TNNI3K: variants seen among roughly 807,000 people sequenced by gnomAD.
TNNI3K encodes the protein serine/threonine-protein kinase TNNI3K.
TNNI3K carries 140 observed loss-of-function variants against 114.5 expected under a neutral mutation model. That is an observed-to-expected ratio of 1.22 (90% CI 1.07 to 1.41). The LOEUF (loss-of-function observed/expected upper bound fraction) is 1.41, where lower values mean the gene tolerates loss of function less well. Among genes scored for constraint, TNNI3K ranks in the 40% most tolerant of loss-of-function variants. The pLI is 0.00. For missense variants in TNNI3K, 1,125 were observed against 1,007.6 expected, an observed-to-expected ratio of 1.12 and a Z score of -1.58; for synonymous variants, 347 against 347.5, an observed-to-expected ratio of 1.00 and a Z score of 0.02.
intron 17 of TNNI3K, among the ~76,000 whole-genome samples, chr1:74,377,559 C>A (rs1234908638): frequency 6.6e-6 from 1 of 151,914 alleles, no homozygotes; most frequent in Non-Finnish European, 1.5e-5. Context: ...CCATATAATA[C>A]AGAATTATAT....
At chr1:74,465,004 A>G in intron 21 of TNNI3K, 1 of 1,163,314 alleles carries the variant, frequency 8.6e-7, no homozygotes, top group Non-Finnish European at 1.1e-6. Context: ...CATCACATAA[A>G]ATAGTTTAGG....
At chr1:74,247,814 A>T (rs1654674327) in intron 2 of TNNI3K, among the ~76,000 whole-genome samples, 1 of 152,148 alleles carries the variant, frequency 6.6e-6, no homozygotes, top group African/African-American at 2.4e-5. Flanking sequence ...GTCCCCACCC[A>T]ACTCAGGAGC....
intron 17 of TNNI3K, among the ~76,000 whole-genome samples, chr1:74,397,545 A>G: frequency 6.6e-6 from 1 of 152,222 alleles, no homozygotes; most frequent in South Asian, 2.1e-4. Context: ...AAGCCATATT[A>G]TTATAAAAAG....
intron 23 of TNNI3K, among the ~76,000 whole-genome samples, chr1:74,530,392 C>A (rs1646565997): frequency 6.6e-6 from 1 of 152,100 alleles, no homozygotes. Context: ...TCTCTCTGAG[C>A]CTTGGTTTCC....
At chr1:74,449,106 G>C (rs1344817248) in intron 20 of TNNI3K, among the ~76,000 whole-genome samples, 1 of 145,968 alleles carries the variant, frequency 6.9e-6, no homozygotes, top group Non-Finnish European at 1.5e-5. Flanking sequence ...ACTCTTTTTG[G>C]TTGGTAAACT....
Position 74,421,446 on chromosome 1 carries a change from A to T in TNNI3K, c.1773-14634A>T, listed in dbSNP as rs539224998. Among the ~76,000 whole-genome samples the T allele has an allele frequency of 2.6e-5, 4 of 152,268 alleles. No homozygotes were observed. The South Asian group carries it at 8.3e-4, about 32-fold the overall frequency. Reference sequence around the variant, plus strand: ...TAATCTGGCAAGGTAGCTCTTAGAGATAAGAGAAATTGAGGTAACATATTT... The same window carrying T: ...TAATCTGGCAAGGTAGCTCTTAGAGTTAAGAGAAATTGAGGTAACATATTT... On this transcript the variant is annotated intron_variant, in intron 17 of 24. Coordinates refer to ENST00000326637, the MANE Select transcript of TNNI3K (RefSeq NM_015978.3).
At chr1:74,344,866 G>T (rs1190140036) in intron 9 of TNNI3K, among the ~76,000 whole-genome samples, 1 of 152,088 alleles carries the variant, frequency 6.6e-6, no homozygotes, top group African/African-American at 2.4e-5. Context: ...ATTTATAAAA[G>T]AAACTCCTTT....
At chr1:74,242,395 C>T (rs1377084577) in intron 2 of TNNI3K, among the ~76,000 whole-genome samples, 1 of 152,084 alleles carries the variant, frequency 6.6e-6, no homozygotes, top group Non-Finnish European at 1.5e-5. Context: ...AAAAGTTCAT[C>T]TGAGGCCTGT....
chr1:74,420,499 T>C (rs1665342458), intron 17 of TNNI3K, among the ~76,000 whole-genome samples: 1 of 152,132 alleles, frequency 6.6e-6, no homozygotes, highest in Non-Finnish European at 1.5e-5. Flanking sequence ...AGCTATGTTT[T>C]GCCAAGCTCT....
chr1:74,348,606 G>C (rs1032315431), intron 9 of TNNI3K, among the ~76,000 whole-genome samples: 14 of 152,092 alleles, frequency 9.2e-5, no homozygotes, highest in African/African-American at 3.4e-4. Context: ...CCATTTTCAC[G>C]ACATTGATTC....
At chr1:74,257,019 T>C (rs544803169) in intron 4 of TNNI3K, among the ~76,000 whole-genome samples, 1 of 152,286 alleles carries the variant, frequency 6.6e-6, no homozygotes, top group South Asian at 2.1e-4. Flanking sequence ...TTCAAATACA[T>C]ATGTTAGATT....
At chr1:74,444,263 A>G (rs1484181478) in intron 20 of TNNI3K, among the ~76,000 whole-genome samples, 1 of 152,184 alleles carries the variant, frequency 6.6e-6, no homozygotes, top group Non-Finnish European at 1.5e-5. Context: ...AGAAGACCAC[A>G]TTGTCTCAGT....
chr1:74,389,112 G>A (rs1186036677), intron 17 of TNNI3K, among the ~76,000 whole-genome samples: 1 of 152,254 alleles, frequency 6.6e-6, no homozygotes, highest in East Asian at 1.9e-4. Context: ...GTTATGGAGA[G>A]TGGCTTAGTA....
Position 74,441,157 on chromosome 1 carries a change from T to C in TNNI3K, c.2011+1535T>C, listed in dbSNP as rs60971377. ...ACACTTCAATGAGTTTTAATAAATA[T>C]ATACAGCTGTATAACCACAATGGCA... On this transcript the variant is annotated intron_variant, in intron 20 of 24. Transcript: ENST00000326637. Among the ~76,000 whole-genome samples, 1,194 of 152,202 alleles carry C rather than the reference T, an allele frequency of 7.8e-3. 18 individuals are homozygous for C. Among genetic ancestry groups the C allele is most frequent in the African/African-American group, 0.027 (1,134 of 41,530 alleles).
At position 74,273,817 on chromosome 1, in the gene TNNI3K, A is replaced by G. The variant is rs45568643; in HGVS notation, c.444+2109A>G. On this transcript the variant is annotated intron_variant, in intron 5 of 24. Coordinates refer to ENST00000326637, the MANE Select transcript of TNNI3K (RefSeq NM_015978.3). The stretch of plus-strand genomic sequence containing the variant: ...TCAATAGCTAACACTGCAAAAAGCA[A>G]GTATAGATACATTAGCCTTTATTCT... Among the ~76,000 whole-genome samples the G allele has an allele frequency of 2.9e-3, 436 of 152,134 alleles. 1 individual carries two copies. The highest frequency in any genetic ancestry group is 9.8e-3 in the African/African-American group (409 of 41,562).
At chr1:74,363,232 T>C (rs10890126) in intron 11 of TNNI3K, among the ~76,000 whole-genome samples, 151,643 of 152,046 alleles carry the variant, frequency 1, 75,622 homozygotes, top group Non-Finnish European at 1. Flanking sequence ...TAGTGGGTTT[T>C]GGGTTTCTTT....
chr1:74,261,774 A>G (rs12043716), intron 4 of TNNI3K, among the ~76,000 whole-genome samples: 44,779 of 152,026 alleles, frequency 0.29, 8,071 homozygotes, highest in Middle Eastern at 0.45. Flanking sequence ...ACTTATTTTT[A>G]ACATTTCGTA....
chr1:74,263,532 G>A (rs1349590105), intron 4 of TNNI3K, among the ~76,000 whole-genome samples: 4 of 152,044 alleles, frequency 2.6e-5, no homozygotes, highest in African/African-American at 9.7e-5. Flanking sequence ...GAGGTTGACA[G>A]TGGGCAAAAT....
intron 17 of TNNI3K, among the ~76,000 whole-genome samples, chr1:74,423,199 C>T (rs1438098416): frequency 6.6e-6 from 1 of 151,420 alleles, no homozygotes; most frequent in East Asian, 1.9e-4. Flanking sequence ...CACACCTCAC[C>T]TCTCCCCTTC....
Sources: gnomAD v4.1 joint callset for allele counts (sites outside exome capture counted in the v4.1 genomes callset) on GRCh38, gnomAD v4.1.1 for gene constraint, MANE v1.5 for transcripts, NCBI Gene and HGNC (gene_info 2026-07-23, HGNC 2026-07-21) for gene names.